CABYR: variants seen among roughly 807,000 people sequenced by gnomAD.
CABYR encodes the protein calcium binding tyrosine phosphorylation regulated.
A neutral mutation model predicts 36.1 loss-of-function variants in CABYR; 31 were observed. The ratio of observed to expected loss-of-function variants is 0.86; its 90% CI spans 0.64 to 1.16. The LOEUF is 1.16. CABYR is among the 50% of genes most tolerant of loss of function. CABYR has a pLI of 0.00. For missense variants in CABYR, 429 were observed against 455.8 expected, an observed-to-expected ratio of 0.94 and a Z score of 0.53; for synonymous variants, 146 against 160.7, an observed-to-expected ratio of 0.91 and a Z score of 0.69.
At chr18:24,157,570 A>T (rs1443289883) in intron 4 of CABYR, among the ~76,000 whole-genome samples, 1 of 152,036 alleles carries the variant, frequency 6.6e-6, no homozygotes, top group African/African-American at 2.4e-5. Flanking sequence ...CTAGATGGAG[A>T]GGGGAAAGGT....
chr18:24,149,787 A>G (rs55988017), intron 3 of CABYR, among the ~76,000 whole-genome samples: 14,832 of 152,324 alleles, frequency 0.097, 1,014 homozygotes, highest in Middle Eastern at 0.27. Context: ...CTATGCAGCC[A>G]CTGGCCTGGG....
chr18:24,151,986 G>C (rs886813363), intron 3 of CABYR, among the ~76,000 whole-genome samples: 1 of 152,124 alleles, frequency 6.6e-6, no homozygotes, highest in South Asian at 2.1e-4. Flanking sequence ...CATCGTGCCT[G>C]ACCTAGTGTT....
chr18:24,156,589 T>C (rs2085793129), intron 4 of CABYR: 1 of 1,614,110 alleles, frequency 6.2e-7, no homozygotes, highest in Non-Finnish European at 8.5e-7. Context: ...GTAGAGTCTG[T>C]AAAACTTGCA....
At chr18:24,149,505 C>G (rs1213034364) in intron 3 of CABYR, among the ~76,000 whole-genome samples, 1 of 152,256 alleles carries the variant, frequency 6.6e-6, no homozygotes, top group Non-Finnish European at 1.5e-5. Context: ...GGATCCTGCA[C>G]TGGGGACTGC....
In CABYR at chr18:24,156,398, T is replaced by C. The variant is rs376666158; in HGVS notation, c.541+356T>C. 9.3e-6 allele frequency: 15 copies of C among 1,614,140 alleles called. No homozygotes were observed. In the African/African-American group the frequency reaches 1.5e-4, roughly 16 times the overall value. On this transcript the variant is annotated intron_variant, in intron 4 of 5. Coordinates refer to ENST00000399496, the MANE Select transcript of CABYR (RefSeq NM_153769.3). ...TTCATATATCATCTGTCTATAACGA[T>C]GTGCCTGTGACTGAAGGAGTTGTTT...
In CABYR at chr18:24,143,397, A is replaced by G. The variant is rs1190856029; in HGVS notation, c.183A>G (p.Gln61=). Residue 61 remains glutamine, a synonymous_variant, in exon 3 of 6, where the codon CAA becomes CAG. Transcript: ENST00000399496. ...TTMDIKDLVK[Q]FHQIKVEKWS... ...TGGATATAAAAGATCTGGTTAAACA[A>G]TTTCATCAGATTAAAGGTAAGTACC... 1.2e-5 allele frequency: 19 copies of G among 1,555,012 alleles called. No homozygotes were observed. Among genetic ancestry groups the G allele is most frequent in the Non-Finnish European group, 1.6e-5 (18 of 1,135,330 alleles).
intron 3 of CABYR, among the ~76,000 whole-genome samples, chr18:24,148,399 T>G (rs1282540743): frequency 6.6e-6 from 1 of 152,190 alleles, no homozygotes; most frequent in African/African-American, 2.4e-5. Flanking sequence ...TAGCTAAGAT[T>G]ATCTTAGCGA....
intron 5 of CABYR, among the ~76,000 whole-genome samples, chr18:24,160,458 AAG>A (rs910738329): frequency 5.3e-5 from 8 of 152,216 alleles, no homozygotes; most frequent in South Asian, 2.1e-4. Context: ...AGAGCAAGGT[AAG>A]AGAGAAAGTC....
intron 3 of CABYR, chr18:24,150,449 T>C (rs970831352): frequency 3.7e-6 from 1 of 269,248 alleles, no homozygotes; most frequent in Non-Finnish European, 5.7e-6. Context: ...TTTCAGTCAC[T>C]GTGCTGACTA....
At chr18:24,157,120 A>G (rs2145883119) in intron 4 of CABYR, 1 of 701,012 alleles carries the variant, frequency 1.4e-6, no homozygotes, top group Middle Eastern at 4.1e-4. Context: ...ACTTTTTTTA[A>G]ATGCCAAAGC....
intron 4 of CABYR, among the ~76,000 whole-genome samples, chr18:24,158,538 G>A (rs1435283962): frequency 6.6e-6 from 1 of 152,000 alleles, no homozygotes; most frequent in Non-Finnish European, 1.5e-5. Flanking sequence ...GGCTGGTCTC[G>A]AACTCCCGAC....
intron 3 of CABYR, among the ~76,000 whole-genome samples, 172 bp downstream of exon 3, chr18:24,143,585 A>C (rs1045725519): frequency 1.5e-4 from 23 of 152,076 alleles, no homozygotes; most frequent in African/African-American, 5.6e-4. Flanking sequence ...TCTGTCACCC[A>C]GGCTGGAGTG....
chr18:24,141,599 T>C (rs113227777), intron 1 of CABYR, among the ~76,000 whole-genome samples: 2 of 152,350 alleles, frequency 1.3e-5, no homozygotes, highest in African/African-American at 4.8e-5. Flanking sequence ...GAAGGAGCTA[T>C]GGCATGCATT....
chr18:24,154,371 T>C (rs1429838117), intron 3 of CABYR, among the ~76,000 whole-genome samples: 1 of 152,164 alleles, frequency 6.6e-6, no homozygotes, highest in Non-Finnish European at 1.5e-5. Flanking sequence ...GGGAAAGTCC[T>C]GAAGAGGTGA....
At chr18:24,156,694 T>C in intron 4 of CABYR, 5 of 1,614,164 alleles carry the variant, frequency 3.1e-6, no homozygotes, top group Non-Finnish European at 4.2e-6. Context: ...CAGCCTGAGG[T>C]ACCTGCACAA....
chr18:24,154,541 G>T (rs1029919072), intron 3 of CABYR, among the ~76,000 whole-genome samples: 1 of 152,238 alleles, frequency 6.6e-6, no homozygotes, highest in Non-Finnish European at 1.5e-5. Context: ...AGCAGCCAAT[G>T]TCAAAGGAGA....
At chr18:24,146,111 C>T (rs1185480594) in intron 3 of CABYR, among the ~76,000 whole-genome samples, 1 of 140,654 alleles carries the variant, frequency 7.1e-6, no homozygotes, top group African/African-American at 2.4e-5. Flanking sequence ...ACAACACACT[C>T]ACTAGAAACA....
At position 24,156,027 on chromosome 18, in the gene CABYR, G is replaced by C; in HGVS notation, c.526G>C (p.Ala176Pro). Residue 176 changes from alanine to proline, a missense_variant, in exon 4 of 6, where the codon GCT becomes CCT. Ala to Pro is a conservative substitution (Grantham distance 27, BLOSUM62 -1). Transcript: ENST00000399496. Reference sequence around the variant, plus strand: ...CGTCCCAGCTGACCCAGCTCAGCTTGCTGCTCAGATGTTAGGTAAAGTTTC... The same window carrying C: ...CGTCCCAGCTGACCCAGCTCAGCTTCCTGCTCAGATGTTAGGTAAAGTTTC... Reference protein sequence around the residue: ...AYVPADPAQLAAQMLAMATSE... With the variant: ...AYVPADPAQLPAQMLAMATSE... 1.2e-6 allele frequency: 2 copies of C among 1,614,178 alleles called. No homozygotes were observed. The highest frequency in any genetic ancestry group is 1.7e-6 in the Non-Finnish European group (2 of 1,180,036).
Position 24,160,181 on chromosome 18 carries a change from T to G in CABYR, c.1139+112T>G. On this transcript the variant is annotated intron_variant, in intron 5 of 5. Transcript: ENST00000399496. Reference sequence around the variant, plus strand: ...TTTAAAAACAATTTGAGATAATAAGTTGGGGTATACTCTAACTTCCTGGGG... The same window carrying G: ...TTTAAAAACAATTTGAGATAATAAGGTGGGGTATACTCTAACTTCCTGGGG... 3.7e-6 allele frequency: 3 copies of G among 815,142 alleles called. No individual in the cohort carries two copies. The South Asian group carries it at 5.2e-5, about 14-fold the overall frequency. 50.5% of individuals were successfully genotyped at this position (815,142 alleles called of 1,614,324 possible).
Sources: allele counts gnomAD v4.1 joint callset (sites outside exome capture counted in the v4.1 genomes callset), GRCh38; gene constraint gnomAD v4.1.1; transcripts MANE v1.5; gene names NCBI Gene and HGNC (gene_info 2026-07-23, HGNC 2026-07-21).